The following SLC2A13 variants were observed in gnomAD, a reference collection of about 807,000 sequenced individuals.
SLC2A13 encodes proton myo-inositol cotransporter.
SLC2A13 carries 32 observed loss-of-function variants against 64.4 expected under a neutral mutation model. The observed-to-expected ratio is 0.50, with a 90% CI of 0.37 to 0.67. SLC2A13 has a LOEUF of 0.67. Ranked by LOEUF, SLC2A13 falls within the 30% of genes least tolerant of loss-of-function variation. The pLI is 0.00. For missense variants in SLC2A13, 743 were observed against 829.2 expected (o/e 0.90, Z 1.28); for synonymous variants, 338 against 327.1 (o/e 1.03, Z -0.36).
chr12:40,088,364 A>C (rs953813010), intron 1 of SLC2A13, among the ~76,000 whole-genome samples: 1 of 152,238 alleles, frequency 6.6e-6, no homozygotes, highest in African/African-American at 2.4e-5. Context: ...ATTAGAAGGA[A>C]TTACAAGTTA....
In SLC2A13 at chr12:39,756,360, C is replaced by T. The variant is rs924099404; in HGVS notation, c.*3666G>A. The T allele has an allele frequency of 2.6e-5, 4 of 151,704 alleles. No homozygotes were observed. The highest frequency in any genetic ancestry group is 3.0e-5 in the Non-Finnish European group (2 of 67,726). The allele number at this position is 151,704 out of a possible 1,614,324, so 9.4% of individuals were successfully genotyped here. On this transcript the variant is annotated 3_prime_UTR_variant, in exon 10 of 10. Transcript: ENST00000280871. ...TAATTTGGTAATTAAAAACTTGTCACAACAAGTGAATAAAAGTCAGTTGTT... is the reference window on the plus strand; with the variant it reads ...TAATTTGGTAATTAAAAACTTGTCATAACAAGTGAATAAAAGTCAGTTGTT...
At chr12:39,924,242 T>TTAAATTTAG (rs1945675014) in intron 4 of SLC2A13, among the ~76,000 whole-genome samples, 1 of 152,092 alleles carries the variant, frequency 6.6e-6, no homozygotes, top group Non-Finnish European at 1.5e-5. Context: ...AATGAATACC[T>TTAAATTTAG]TTACTAAATT....
intron 4 of SLC2A13, among the ~76,000 whole-genome samples, chr12:39,937,831 A>G (rs553933888): frequency 6.8e-4 from 104 of 152,270 alleles, no homozygotes; most frequent in Admixed American, 1.3e-3. Flanking sequence ...GCTTTATTAG[A>G]TCTTATCATC....
rs1940000039 is a variant in SLC2A13 at position 39,757,484 on chromosome 12, T to G, written c.*2542A>C. Reference sequence around the variant, plus strand: ...CATTTAATTTTTAATATACTATAAATGTTCACCAAATCTAAAAATAATACC... The same window carrying G: ...CATTTAATTTTTAATATACTATAAAGGTTCACCAAATCTAAAAATAATACC... On this transcript the variant is annotated 3_prime_UTR_variant, in exon 10 of 10. Coordinates refer to ENST00000280871, the MANE Select transcript of SLC2A13 (RefSeq NM_052885.4). 6.6e-6 allele frequency: 1 copy of G among 151,648 alleles called. No homozygotes were observed. Among genetic ancestry groups the G allele is most frequent in the African/African-American group, 2.4e-5 (1 of 41,390 alleles). 9.4% of individuals were successfully genotyped at this position (151,648 alleles called of 1,614,324 possible).
intron 2 of SLC2A13, among the ~76,000 whole-genome samples, chr12:40,037,296 G>T (rs1304318978): frequency 6.6e-6 from 1 of 152,032 alleles, no homozygotes; most frequent in Non-Finnish European, 1.5e-5. Flanking sequence ...GTTTAAGATT[G>T]AAGCTATTTC....
intron 1 of SLC2A13, among the ~76,000 whole-genome samples, chr12:40,101,928 A>G (rs1370038350): frequency 2.9e-5 from 3 of 103,804 alleles, no homozygotes; most frequent in Non-Finnish European, 5.8e-5. Context: ...GGAAGATTAA[A>G]TGAGGTAATA....
chr12:39,784,902 T>G (rs1941130677), intron 7 of SLC2A13, among the ~76,000 whole-genome samples: 1 of 152,142 alleles, frequency 6.6e-6, no homozygotes. Context: ...AGAGAGATGA[T>G]TTAGGGTATC....
At chr12:40,027,004 C>T (rs905173539) in intron 3 of SLC2A13, among the ~76,000 whole-genome samples, 9 of 151,278 alleles carry the variant, frequency 5.9e-5, no homozygotes, top group African/African-American at 1.5e-4. Context: ...CACTTGAACT[C>T]GGGAGGCGGA....
At chr12:39,896,451 T>G (rs564570869) in intron 4 of SLC2A13, among the ~76,000 whole-genome samples, 1 of 136,328 alleles carries the variant, frequency 7.3e-6, no homozygotes. Flanking sequence ...TATGTATATG[T>G]GTGTATATAT....
intron 2 of SLC2A13, among the ~76,000 whole-genome samples, chr12:40,046,977 C>T (rs907877067): frequency 3.3e-5 from 5 of 151,866 alleles, no homozygotes; most frequent in African/African-American, 9.7e-5. Context: ...TCTCAGCTCA[C>T]TGCAACCTCC....
chr12:39,881,008 T>A (rs1944324376), intron 4 of SLC2A13, among the ~76,000 whole-genome samples: 1 of 152,266 alleles, frequency 6.6e-6, no homozygotes, highest in African/African-American at 2.4e-5. Context: ...TATAACAGGT[T>A]ACATGTGATT....
chr12:40,033,821 A>G (rs1947939079), intron 2 of SLC2A13, among the ~76,000 whole-genome samples: 1 of 152,216 alleles, frequency 6.6e-6, no homozygotes, highest in Non-Finnish European at 1.5e-5. Flanking sequence ...AAAGGATTTG[A>G]TCCTTTGAAA....
chr12:39,941,515 G>A (rs1399537894), intron 4 of SLC2A13, among the ~76,000 whole-genome samples: 1 of 152,130 alleles, frequency 6.6e-6, no homozygotes, highest in Non-Finnish European at 1.5e-5. Context: ...GCACTTCCCT[G>A]ATCATTAGTG....
intron 4 of SLC2A13, among the ~76,000 whole-genome samples, chr12:39,930,763 G>A (rs550107879): frequency 1.3e-5 from 2 of 152,278 alleles, no homozygotes; most frequent in Admixed American, 1.3e-4. Flanking sequence ...AAACAAGACT[G>A]TGACTGCCAC....
Position 40,105,242 on chromosome 12 carries a change from C to T in SLC2A13, c.556+11G>A, listed in dbSNP as rs1303945506. The T allele has an allele frequency of 1.3e-6, 2 of 1,572,988 alleles. No homozygotes were observed. The highest frequency in any genetic ancestry group is 1.7e-6 in the Non-Finnish European group (2 of 1,162,722). On this transcript the variant is annotated intron_variant, in intron 1 of 9. Transcript: ENST00000280871. The surrounding 1 kb of genome is among the most constrained non-coding windows in gnomAD (Gnocchi z 4.2). ...GGGATCCCGGGCGCCCTTCACGGAG[C>T]CCGAACTCACCGATGCCGAGTCCCA...
chr12:39,798,999 T>G (rs1941676476), intron 7 of SLC2A13, among the ~76,000 whole-genome samples: 1 of 150,580 alleles, frequency 6.6e-6, no homozygotes, highest in Non-Finnish European at 1.5e-5. Context: ...TTTTGAACAA[T>G]CCTACCATCT....
At chr12:39,980,572 A>G (rs953132838) in intron 3 of SLC2A13, among the ~76,000 whole-genome samples, 3 of 151,666 alleles carry the variant, frequency 2.0e-5, no homozygotes, top group African/African-American at 7.3e-5. Flanking sequence ...CAAAAGAGAC[A>G]AAGAAGGCCA....
At chr12:39,999,278 C>T (rs1947284826) in intron 3 of SLC2A13, among the ~76,000 whole-genome samples, 1 of 152,094 alleles carries the variant, frequency 6.6e-6, no homozygotes, top group Non-Finnish European at 1.5e-5. Flanking sequence ...GGAAGACAAC[C>T]ATAAGGTCTG....
At chr12:39,769,683 C>G (rs749459513) in intron 7 of SLC2A13, among the ~76,000 whole-genome samples, 17 of 151,906 alleles carry the variant, frequency 1.1e-4, no homozygotes, top group Non-Finnish European at 2.2e-4. Flanking sequence ...TCTTTTCCTG[C>G]CCTATTTAGT....
Sources: allele counts gnomAD v4.1 joint callset (sites outside exome capture counted in the v4.1 genomes callset), GRCh38; gene constraint gnomAD v4.1.1; non-coding constraint Gnocchi (gnomAD v3.1); transcripts MANE v1.5; gene names NCBI Gene and HGNC (gene_info 2026-07-23, HGNC 2026-07-21).